The following PPP2R5C variants were observed in gnomAD, a reference collection of about 807,000 sequenced individuals.
PPP2R5C encodes protein phosphatase 2 regulatory subunit B'gamma, also known as serine/threonine-protein phosphatase 2A 56 kDa regulatory subunit gamma isoform.
Under a neutral mutation model 68.9 loss-of-function variants are expected in PPP2R5C, and 7 were observed. That is an observed-to-expected ratio of 0.10 (90% CI 0.06 to 0.19). The LOEUF is 0.19. PPP2R5C is among the 10% of genes least tolerant of loss of function. The pLI, the probability that PPP2R5C is intolerant of heterozygous loss-of-function variation, is 1.00. For missense variants in PPP2R5C, 348 were observed against 641.3 expected, an observed-to-expected ratio of 0.54 and a Z score of 4.94; for synonymous variants, 210 against 222.2, an observed-to-expected ratio of 0.95 and a Z score of 0.49.
At chr14:101,895,344 A>G (rs1226716828) in intron 8 of PPP2R5C, among the ~76,000 whole-genome samples, 1 of 152,180 alleles carries the variant, frequency 6.6e-6, no homozygotes, top group Non-Finnish European at 1.5e-5. Flanking sequence ...AAAATTTGTC[A>G]TTTTAACCGC....
exon 14 of PPP2R5C, chr14:101,926,280 T>C (rs2047286821): frequency 6.6e-6 from 1 of 152,588 alleles, no homozygotes; most frequent in African/African-American, 2.4e-5. Context: ...CTGCCTTCAC[T>C]GAAGGCTGCA....
At chr14:101,848,567 T>C (rs1387680922) in intron 1 of PPP2R5C, among the ~76,000 whole-genome samples, 1 of 150,594 alleles carries the variant, frequency 6.6e-6, no homozygotes, top group East Asian at 1.9e-4. Context: ...AGAAAGAAAC[T>C]GTTGGGATTT....
intron 1 of PPP2R5C, among the ~76,000 whole-genome samples, chr14:101,847,798 G>A (rs1279795905): frequency 4.6e-5 from 7 of 151,912 alleles, no homozygotes; most frequent in Non-Finnish European, 5.9e-5. Flanking sequence ...GAGTAACTGG[G>A]ACTACAGGCA....
At chr14:101,903,280 G>A (rs1244470320) in intron 9 of PPP2R5C, among the ~76,000 whole-genome samples, 1 of 152,192 alleles carries the variant, frequency 6.6e-6, no homozygotes, top group Non-Finnish European at 1.5e-5. Context: ...AGAGAAGACA[G>A]GGACAAGTGG....
intron 2 of PPP2R5C, among the ~76,000 whole-genome samples, chr14:101,878,294 A>G (rs552989918): frequency 1.3e-5 from 2 of 152,340 alleles, no homozygotes; most frequent in African/African-American, 2.4e-5. Context: ...GGAGGCCACA[A>G]GCATTGAGTC....
intron 1 of PPP2R5C, among the ~76,000 whole-genome samples, chr14:101,828,529 C>T (rs149163849): frequency 1.3e-5 from 2 of 152,210 alleles, no homozygotes; most frequent in African/African-American, 4.8e-5. Flanking sequence ...CTTGTACACA[C>T]ACACAAATAC....
Position 101,817,116 on chromosome 14 carries a change from A to C in PPP2R5C, c.94+7080A>C, listed in dbSNP as rs1196304755. The stretch of plus-strand genomic sequence containing the variant: ...GGGACTACAGGCACCCACCGCCACA[A>C]CCAGCTAATATTTTGTATTTTAATA... On this transcript the variant is annotated intron_variant, in intron 1 of 13. Transcript: ENST00000334743. Among the ~76,000 whole-genome samples, 3 of 151,076 alleles carry C rather than the reference A, an allele frequency of 2.0e-5. No homozygotes were observed. The East Asian group carries it at 5.8e-4, about 29-fold the overall frequency.
chr14:101,765,361 T>C, intron 2 of PPP2R5C: 1 of 655,796 alleles, frequency 1.5e-6, no homozygotes, highest in Non-Finnish European at 2.8e-6. Flanking sequence ...ACCCTTAAAT[T>C]TTATTATTGT....
chr14:101,778,546 T>C (rs2037529357), intron 2 of PPP2R5C, among the ~76,000 whole-genome samples: 1 of 152,204 alleles, frequency 6.6e-6, no homozygotes, highest in African/African-American at 2.4e-5. Context: ...CTCTTCTGTT[T>C]AGGTTTGTGA....
intron 6 of PPP2R5C, 128 bp downstream of exon 8, chr14:101,890,424 C>CA (rs1194018405): frequency 1.6e-5 from 14 of 868,690 alleles, no homozygotes; most frequent in Middle Eastern, 2.3e-4. Flanking sequence ...AATTCAAATA[C>CA]AATTTCACTG....
Position 101,894,585 on chromosome 14 carries a change from T to G in PPP2R5C, c.852+25T>G, listed in dbSNP as rs536626523. On this transcript the variant is annotated intron_variant, in intron 8 of 13. Coordinates refer to ENST00000334743, the Ensembl canonical transcript of PPP2R5C. ...AGTAAGTACTGATGCTAGCGCGTCT[T>G]GTAAGATGTGTGCATTTCACTAAAT... 3.1e-6 allele frequency: 5 copies of G among 1,600,612 alleles called. No homozygotes were observed. In the African/African-American group the frequency reaches 6.7e-5, roughly 21 times the overall value.
At chr14:101,911,436 CATG>C (rs1227313298) in intron 11 of PPP2R5C, among the ~76,000 whole-genome samples, 1 of 152,192 alleles carries the variant, frequency 6.6e-6, no homozygotes, top group Non-Finnish European at 1.5e-5. Flanking sequence ...CTGCCAGCTG[CATG>C]GTCTGTTCTC....
chr14:101,779,063 A>T (rs1401845184), intron 2 of PPP2R5C, among the ~76,000 whole-genome samples: 1 of 152,192 alleles, frequency 6.6e-6, no homozygotes, highest in African/African-American at 2.4e-5. Context: ...GTCTCAAAAA[A>T]ATTAAAAATA....
intron 1 of PPP2R5C, among the ~76,000 whole-genome samples, chr14:101,830,437 T>C (rs891631431): frequency 2.0e-5 from 3 of 152,194 alleles, no homozygotes; most frequent in Non-Finnish European, 2.9e-5. Context: ...CAGTCCTGCT[T>C]TGAGGCTGAG....
At chr14:101,859,313 C>A (rs1265130835) in intron 2 of PPP2R5C, among the ~76,000 whole-genome samples, 1 of 152,206 alleles carries the variant, frequency 6.6e-6, no homozygotes, top group Non-Finnish European at 1.5e-5. Context: ...GATAGGGTTG[C>A]AAGACTGGGA....
intron 3 of PPP2R5C, among the ~76,000 whole-genome samples, chr14:101,804,811 A>T (rs1244167390): frequency 6.6e-6 from 1 of 152,194 alleles, no homozygotes; most frequent in African/African-American, 2.4e-5. Context: ...CAACAGGGTG[A>T]CTATAGTCAA....
At chr14:101,887,656 G>A (rs1011315917) in intron 5 of PPP2R5C, among the ~76,000 whole-genome samples, 6 of 152,176 alleles carry the variant, frequency 3.9e-5, no homozygotes, top group African/African-American at 1.4e-4. Flanking sequence ...GGAGAGGCAG[G>A]ACCCCCAGTC....
intron 10 of PPP2R5C, among the ~76,000 whole-genome samples, chr14:101,908,389 T>C (rs1054295147): frequency 6.6e-6 from 1 of 152,164 alleles, no homozygotes. Context: ...TTTATTTATT[T>C]TTGAGATGGA....
chr14:101,920,547 C>T (rs2046948775), intron 13 of PPP2R5C, among the ~76,000 whole-genome samples: 1 of 152,168 alleles, frequency 6.6e-6, no homozygotes, highest in Admixed American at 6.5e-5. Flanking sequence ...GAATTATGTT[C>T]CTGAGTCAGA....
Sources: allele counts gnomAD v4.1 joint callset (sites outside exome capture counted in the v4.1 genomes callset), GRCh38; gene constraint gnomAD v4.1.1; transcripts MANE v1.5; gene names NCBI Gene and HGNC (gene_info 2026-07-23, HGNC 2026-07-21).